The following NKAIN2 variants were observed in gnomAD, a reference collection of about 807,000 sequenced individuals.
The protein encoded by NKAIN2 is sodium/potassium-transporting ATPase subunit beta-1-interacting protein 2.
In NKAIN2, 14 loss-of-function variants were observed where a neutral mutation model predicts 32.6. The ratio of observed to expected loss-of-function variants is 0.43; its 90% confidence interval spans 0.28 to 0.67. The LOEUF is 0.67. Ranked by LOEUF, NKAIN2 falls within the 30% of genes least tolerant of loss-of-function variation. The pLI is 0.17. For missense variants in NKAIN2, 198 were observed against 258.3 expected, an observed-to-expected ratio of 0.77 and a Z score of 1.60; for synonymous variants, 80 against 87.2, an observed-to-expected ratio of 0.92 and a Z score of 0.46.
At chr6:124,563,971 C>G (rs1349577417) in intron 3 of NKAIN2, among the ~76,000 whole-genome samples, 2 of 152,114 alleles carry the variant, frequency 1.3e-5, no homozygotes, top group Admixed American at 1.3e-4. Flanking sequence ...GGTAATGATG[C>G]TATAGTTTCT....
chr6:124,701,710 T>G (rs940653053), intron 4 of NKAIN2, among the ~76,000 whole-genome samples: 9 of 143,382 alleles, frequency 6.3e-5, no homozygotes, highest in Non-Finnish European at 1.4e-4. Context: ...TTCTCTTCTT[T>G]GTGTCATTAT....
At chr6:124,434,985 G>T (rs894958216) in intron 3 of NKAIN2, among the ~76,000 whole-genome samples, 2 of 152,092 alleles carry the variant, frequency 1.3e-5, no homozygotes, top group Non-Finnish European at 2.9e-5. Flanking sequence ...CATCATTCTT[G>T]AATAGAGTTA....
intron 3 of NKAIN2, among the ~76,000 whole-genome samples, chr6:124,469,187 CTG>C (rs1287096620): frequency 1.3e-5 from 2 of 152,166 alleles, no homozygotes; most frequent in Admixed American, 6.5e-5. Context: ...ATCAGAGTGA[CTG>C]TTGCTTACAA....
intron 4 of NKAIN2, among the ~76,000 whole-genome samples, chr6:124,785,069 G>GA (rs71541254): frequency 6.6e-5 from 10 of 151,710 alleles, no homozygotes; most frequent in Admixed American, 1.3e-4. Context: ...TCCAGTGGGG[G>GA]AAAAAAAAGT....
At chr6:124,354,844 GAA>G (rs3054410) in intron 2 of NKAIN2, among the ~76,000 whole-genome samples, 5 of 100,756 alleles carry the variant, frequency 5.0e-5, no homozygotes, top group African/African-American at 1.8e-4. Context: ...ATAACAGTAA[GAA>G]AAAAAAAAAA....
chr6:123,997,635 G>T (rs1443521451), intron 1 of NKAIN2, among the ~76,000 whole-genome samples: 2 of 123,934 alleles, frequency 1.6e-5, no homozygotes, highest in African/African-American at 6.3e-5. Context: ...ACAGAGTCTC[G>T]CTCTGTTGCC....
intron 1 of NKAIN2, among the ~76,000 whole-genome samples, chr6:124,196,870 T>G (rs1456908981): frequency 6.6e-6 from 1 of 151,930 alleles, no homozygotes; most frequent in African/African-American, 2.4e-5. Flanking sequence ...GAGCTAAAAT[T>G]TGTGGATTTT....
intron 2 of NKAIN2, among the ~76,000 whole-genome samples, chr6:124,339,901 T>C (rs535567106): frequency 6.6e-6 from 1 of 152,274 alleles, no homozygotes; most frequent in Admixed American, 6.5e-5. Flanking sequence ...ATGAAAATCT[T>C]CAAATTTACA....
intron 4 of NKAIN2, among the ~76,000 whole-genome samples, chr6:124,711,934 C>T (rs1775491790): frequency 1.3e-5 from 2 of 152,028 alleles, no homozygotes. Context: ...TCTGTTTTTT[C>T]CCCATCTTTG....
intron 1 of NKAIN2, among the ~76,000 whole-genome samples, chr6:123,824,174 C>G (rs1037284317): frequency 4.6e-5 from 7 of 152,008 alleles, no homozygotes; most frequent in African/African-American, 1.7e-4. Context: ...AGTCAGGATC[C>G]TGAAAGTAAG....
At position 124,410,619 on chromosome 6, in the gene NKAIN2, T is replaced by A. The variant is rs1381317381; in HGVS notation, c.273+55272T>A. 5.9e-5 allele frequency among the ~76,000 whole-genome samples: 9 copies of A among 152,202 alleles called. No homozygotes were observed. In the South Asian group the frequency reaches 1.0e-3, roughly 18 times the overall value. On this transcript the variant is annotated intron_variant, in intron 3 of 6. Coordinates refer to ENST00000368417, the MANE Select transcript of NKAIN2 (RefSeq NM_001040214.3). ...CTGAGGAGAGCTTTACTTCCAACCA[T>A]GTGGTCAATTTTGGAATACATGTGG...
intron 1 of NKAIN2, among the ~76,000 whole-genome samples, chr6:123,943,688 C>T (rs1776930105): frequency 6.6e-6 from 1 of 152,012 alleles, no homozygotes; most frequent in African/African-American, 2.4e-5. Flanking sequence ...GAAAAGTCAC[C>T]TTGAGCTTAA....
chr6:124,017,706 T>TA (rs1780648604), intron 1 of NKAIN2, among the ~76,000 whole-genome samples: 1 of 152,164 alleles, frequency 6.6e-6, no homozygotes, highest in Non-Finnish European at 1.5e-5. Context: ...ATCCAGGTCA[T>TA]GCTGATGCAA....
rs145991621 is a variant in NKAIN2 at position 124,560,103 on chromosome 6, A to G, written c.274-98083A>G. 2.8e-3 allele frequency among the ~76,000 whole-genome samples: 427 copies of G among 152,212 alleles called. 1 individual carries two copies. The highest frequency in any genetic ancestry group is 9.8e-3 in the African/African-American group (407 of 41,532). On this transcript the variant is annotated intron_variant, in intron 3 of 6. Transcript: ENST00000368417. ...CGACAAGGAAATATATAGCATTGATATGGCTTGGCTGTGTCCCCACCCAAA... is the reference window on the plus strand; with the variant it reads ...CGACAAGGAAATATATAGCATTGATGTGGCTTGGCTGTGTCCCCACCCAAA...
chr6:124,617,427 T>A (rs1479751422), intron 3 of NKAIN2, among the ~76,000 whole-genome samples: 1 of 152,208 alleles, frequency 6.6e-6, no homozygotes, highest in African/African-American at 2.4e-5. Context: ...TTCTTTTTCT[T>A]GTTTCTGCTT....
At chr6:123,875,384 G>C (rs901533520) in intron 1 of NKAIN2, among the ~76,000 whole-genome samples, 3 of 151,770 alleles carry the variant, frequency 2.0e-5, no homozygotes, top group East Asian at 3.9e-4. Context: ...TAATTTGCTT[G>C]TTTCCTTTTG....
intron 1 of NKAIN2, among the ~76,000 whole-genome samples, chr6:123,841,143 G>T (rs1003227560): frequency 1.1e-4 from 16 of 152,110 alleles, no homozygotes; most frequent in African/African-American, 3.9e-4. Context: ...GTGTGAATAG[G>T]GCGGTATATG....
At chr6:124,660,798 T>A (rs991182125) in intron 4 of NKAIN2, among the ~76,000 whole-genome samples, 2 of 152,204 alleles carry the variant, frequency 1.3e-5, no homozygotes, top group African/African-American at 2.4e-5. Context: ...CTAGCCAGCT[T>A]TGGGTTGAAT....
intron 3 of NKAIN2, among the ~76,000 whole-genome samples, chr6:124,608,213 GTTGT>G (rs1182596683): frequency 6.6e-6 from 1 of 152,060 alleles, no homozygotes; most frequent in African/African-American, 2.4e-5. Flanking sequence ...TCTTACCCAT[GTTGT>G]TTGTTTTTCT....
Sources: gnomAD v4.1 joint callset for allele counts (sites outside exome capture counted in the v4.1 genomes callset) on GRCh38, gnomAD v4.1.1 for gene constraint, MANE v1.5 for transcripts, NCBI Gene and HGNC (gene_info 2026-07-23, HGNC 2026-07-21) for gene names.